The following HAGH variants were observed in gnomAD, a reference collection of about 807,000 sequenced individuals.
The protein encoded by HAGH is hydroxyacylglutathione hydrolase, mitochondrial.
In HAGH, 29 loss-of-function variants were observed where a neutral mutation model predicts 35.1. The ratio of observed to expected loss-of-function variants is 0.83; its 90% CI spans 0.62 to 1.13. The LOEUF is 1.13. HAGH is among the 50% of genes most tolerant of loss of function. HAGH has a pLI of 0.00. For missense variants in HAGH, 478 were observed against 419.6 expected, an observed-to-expected ratio of 1.14 and a Z score of -1.22; for synonymous variants, 225 against 176.1, an observed-to-expected ratio of 1.28 and a Z score of -2.20.
At chr16:1,813,707 A>G (rs1244938151) in intron 7 of HAGH, among the ~76,000 whole-genome samples, 1 of 152,244 alleles carries the variant, frequency 6.6e-6, no homozygotes, top group Non-Finnish European at 1.5e-5. Flanking sequence ...AGTTCACGAG[A>G]TGATTCTGAA....
intron 7 of HAGH, 164 bp from the exon 8 acceptor site, chr16:1,809,997 C>A: frequency 3.3e-6 from 2 of 609,736 alleles, no homozygotes; most frequent in South Asian, 1.9e-5. Context: ...GACCCTGTGT[C>A]TACTAAAAAT....
intron 1 of HAGH, among the ~76,000 whole-genome samples, chr16:1,824,660 GAC>G (rs1260113731): frequency 2.6e-5 from 4 of 152,190 alleles, no homozygotes; most frequent in African/African-American, 9.7e-5. Context: ...CCAACTGACA[GAC>G]ACACGCGTCT....
In HAGH at chr16:1,819,192, G is replaced by A. The variant is rs1898037399; in HGVS notation, c.464C>T (p.Thr155Ile). The A allele has an allele frequency of 1.2e-6, 2 of 1,612,744 alleles. No individual in the cohort carries two copies. The highest frequency in any genetic ancestry group is 1.7e-6 in the Non-Finnish European group (2 of 1,179,450). The change falls in exon 5 of 9, where the codon ACC becomes ATC. Residue 155 changes from threonine (T) to isoleucine (I), a missense_variant. Coordinates refer to ENST00000397356, the MANE Select transcript of HAGH (RefSeq NM_005326.6). Reference sequence around the variant, plus strand: ...AATGTGTCCTGAAGTGTGGCACGGGGTCGCCAGGCACTTGACGTTCAGAGA... The same window carrying A: ...AATGTGTCCTGAAGTGTGGCACGGGATCGCCAGGCACTTGACGTTCAGAGA... ...VGSLNVKCLA[T>I]PCHTSGHICY... is the part of the protein sequence containing the mutation.
intron 5 of HAGH, chr16:1,818,425 T>A (rs1202187942): frequency 6.6e-6 from 1 of 152,324 alleles, no homozygotes; most frequent in East Asian, 1.9e-4. Context: ...CACCCCTGGT[T>A]TGACTCCACC....
chr16:1,809,011 G>C lies in HAGH; in HGVS notation c.*272C>G, dbSNP rs942292656. On this transcript the variant is annotated 3_prime_UTR_variant, in exon 9 of 9. Coordinates refer to ENST00000397356, the MANE Select transcript of HAGH (RefSeq NM_005326.6). ...CTCACGCCTGACCTGAAGCGTGGGT[G>C]GGGGGACTGCAGTGGCTCACGGAGG... 3.5e-5 allele frequency: 16 copies of C among 458,054 alleles called. No individual in the cohort carries two copies. Among genetic ancestry groups the C allele is most frequent in the Non-Finnish European group, 5.1e-5 (13 of 254,768 alleles). 28.4% of individuals were successfully genotyped at this position (458,054 alleles called of 1,614,324 possible).
At chr16:1,810,866 C>G (rs192283852) in intron 7 of HAGH, 1 of 152,356 alleles carries the variant, frequency 6.6e-6, no homozygotes, top group East Asian at 1.9e-4. Context: ...AAGATGGTTT[C>G]TCACTAATCT....
At chr16:1,821,180 C>G (rs982642951) in intron 3 of HAGH, among the ~76,000 whole-genome samples, 7 of 152,206 alleles carry the variant, frequency 4.6e-5, no homozygotes, top group Non-Finnish European at 1.0e-4. Flanking sequence ...CACCGCCCCT[C>G]AAGCCCAGGT....
At chr16:1,816,198 C>T (rs1414222200) in intron 7 of HAGH, among the ~76,000 whole-genome samples, 3 of 130,396 alleles carry the variant, frequency 2.3e-5, no homozygotes, top group Admixed American at 1.6e-4. Context: ...AGGGAGACTC[C>T]GTCTCAAAAA....
chr16:1,809,069 T>C lies in HAGH; in HGVS notation c.*214A>G. On this transcript the variant is annotated 3_prime_UTR_variant, in exon 9 of 9. Transcript: ENST00000397356. ...AGGCCCGAGGGGACAAGCAGAGGCC[T>C]AAAGGCCAGAAGAAAACAGTCTGCA... The C allele has an allele frequency of 1.9e-6, 1 of 523,220 alleles. No individual in the cohort carries two copies. The highest frequency in any genetic ancestry group is 3.4e-6 in the Non-Finnish European group (1 of 293,348). The allele number at this position is 523,220 out of a possible 1,614,324, so 32.4% of individuals were successfully genotyped here.
intron 7 of HAGH, among the ~76,000 whole-genome samples, chr16:1,815,691 TCAA>T (rs1218002217): frequency 1.3e-5 from 2 of 152,084 alleles, no homozygotes; most frequent in African/African-American, 4.8e-5. Context: ...GCAAACATCA[TCAA>T]CATTCCTCAA....
At chr16:1,817,604 A>G (rs1596925808) in intron 5 of HAGH, among the ~76,000 whole-genome samples, 1 of 152,144 alleles carries the variant, frequency 6.6e-6, no homozygotes, top group Non-Finnish European at 1.5e-5. Context: ...TCTCAGGCCC[A>G]TGCCTGGCTC....
At chr16:1,819,306 T>G in intron 4 of HAGH, 83 bp from the exon 5 acceptor site, 20 of 796,240 alleles carry the variant, frequency 2.5e-5, no homozygotes, top group Non-Finnish European at 4.1e-5. Context: ...GCCTGGGCCC[T>G]ACTGGGCCTC....
At chr16:1,809,679 C>T (rs1897549578) in intron 8 of HAGH, 75 bp downstream of exon 8, 9 of 1,081,076 alleles carry the variant, frequency 8.3e-6, no homozygotes, top group South Asian at 3.8e-5. Flanking sequence ...GGGTCTCGGA[C>T]GTACCGGCTG....
At chr16:1,823,229 T>G (rs1189149217) in intron 1 of HAGH, among the ~76,000 whole-genome samples, 192 bp from the exon 2 acceptor site, 1 of 151,444 alleles carries the variant, frequency 6.6e-6, no homozygotes, top group African/African-American at 2.4e-5. Flanking sequence ...GGCAGGAGTT[T>G]GAGACCAGCC....
At chr16:1,810,940 C>T (rs906827428) in intron 7 of HAGH, 1 of 152,242 alleles carries the variant, frequency 6.6e-6, no homozygotes, top group Non-Finnish European at 1.5e-5. Flanking sequence ...TTCCCACCAA[C>T]ATTCTCAATC....
At chr16:1,820,138 CTT>C in intron 3 of HAGH, 124 bp from the exon 4 acceptor site, 1 of 714,656 alleles carries the variant, frequency 1.4e-6, no homozygotes, top group African/African-American at 1.8e-5. Flanking sequence ...AAACGCAACA[CTT>C]ATTTTCCACT....
At chr16:1,825,996 ACT>A (rs957622829) in intron 1 of HAGH, among the ~76,000 whole-genome samples, 17 of 152,110 alleles carry the variant, frequency 1.1e-4, no homozygotes, top group Non-Finnish European at 1.9e-4. Context: ...TCCCGCTGGA[ACT>A]CTCTGCCTGG....
intron 3 of HAGH, chr16:1,821,948 T>G (rs376046436): frequency 0.077 from 9,395 of 122,560 alleles, 363 homozygotes; most frequent in East Asian, 0.15. Context: ...TTTTTTGTTT[T>G]TTTGTTTTTT....
chr16:1,819,269 A>C, intron 4 of HAGH, 46 bp from the exon 5 acceptor site: 1 of 1,287,654 alleles, frequency 7.8e-7, no homozygotes, highest in Non-Finnish European at 1.1e-6. Flanking sequence ...CACCCTGGAG[A>C]GCCATCTCCC....
Sources: allele counts gnomAD v4.1 joint callset (sites outside exome capture counted in the v4.1 genomes callset), GRCh38; gene constraint gnomAD v4.1.1; transcripts MANE v1.5; gene names NCBI Gene and HGNC (gene_info 2026-07-23, HGNC 2026-07-21).